The following CNTN5 variants were observed in gnomAD, a reference collection of about 807,000 sequenced individuals.
The protein encoded by CNTN5 is contactin 5.
CNTN5 carries 77 observed loss-of-function variants against 129.1 expected under a neutral mutation model. That is an observed-to-expected ratio of 0.60 (90% CI 0.50 to 0.72). CNTN5 has a LOEUF of 0.72. CNTN5 is among the 30% of genes least tolerant of loss of function. The probability of loss-of-function intolerance (pLI) is 0.00; values close to 1 mark genes in which losing one functional copy is unlikely to be tolerated. For missense variants in CNTN5, 1,478 were observed against 1,328.8 expected (o/e 1.11, Z -1.75); for synonymous variants, 509 against 465.6 (o/e 1.09, Z -1.20).
At chr11:99,733,326 A>C (rs1943596572) in intron 3 of CNTN5, among the ~76,000 whole-genome samples, 1 of 151,216 alleles carries the variant, frequency 6.6e-6, no homozygotes, top group Non-Finnish European at 1.5e-5. Flanking sequence ...TGTCTCAAAA[A>C]AAAAAAAAAA....
chr11:99,797,672 A>C (rs886675822), intron 3 of CNTN5, among the ~76,000 whole-genome samples: 2 of 151,994 alleles, frequency 1.3e-5, no homozygotes, highest in Admixed American at 1.3e-4. Flanking sequence ...AAAATTTTAG[A>C]TATTAGATCT....
intron 1 of CNTN5, among the ~76,000 whole-genome samples, chr11:99,033,383 A>T (rs1863508733): frequency 6.6e-6 from 1 of 151,980 alleles, no homozygotes; most frequent in Admixed American, 6.6e-5. Flanking sequence ...CACGATATTG[A>T]TTCTTCCTAC....
At chr11:99,721,630 A>T (rs536579962) in intron 3 of CNTN5, among the ~76,000 whole-genome samples, 1 of 152,332 alleles carries the variant, frequency 6.6e-6, no homozygotes, top group African/African-American at 2.4e-5. Flanking sequence ...AAAATTGACA[A>T]GCGGGATCTA....
chr11:99,481,899 T>A, intron 2 of CNTN5, among the ~76,000 whole-genome samples: 1 of 152,228 alleles, frequency 6.6e-6, no homozygotes, highest in East Asian at 1.9e-4. Flanking sequence ...GAGGTGATTG[T>A]TTAGGGAAGA....
intron 9 of CNTN5, among the ~76,000 whole-genome samples, chr11:100,026,639 G>A (rs1218133715): frequency 6.6e-6 from 1 of 152,064 alleles, no homozygotes; most frequent in African/African-American, 2.4e-5. Context: ...TCTGTCATTT[G>A]GGGCATGTTT....
intron 7 of CNTN5, among the ~76,000 whole-genome samples, chr11:99,919,523 C>T (rs1046602385): frequency 6.6e-6 from 1 of 152,130 alleles, no homozygotes; most frequent in Admixed American, 6.6e-5. Context: ...CAATTCTATT[C>T]CTCTCAGTCA....
chr11:99,537,783 A>T (rs1446930923), intron 2 of CNTN5, among the ~76,000 whole-genome samples: 1 of 152,098 alleles, frequency 6.6e-6, no homozygotes, highest in African/African-American at 2.4e-5. Context: ...GGAACACAGT[A>T]CCCCGTGGAC....
At chr11:99,040,826 C>A (rs966276921) in intron 1 of CNTN5, among the ~76,000 whole-genome samples, 6 of 151,974 alleles carry the variant, frequency 3.9e-5, no homozygotes, top group African/African-American at 1.4e-4. Flanking sequence ...TTTCAGCTAC[C>A]TTTTACGGTG....
intron 1 of CNTN5, among the ~76,000 whole-genome samples, chr11:99,289,850 G>A (rs1381634108): frequency 2.0e-5 from 3 of 151,782 alleles, no homozygotes; most frequent in Non-Finnish European, 1.5e-5. Context: ...CACTTAGCAA[G>A]ACTATGAATG....
chr11:99,496,225 T>C (rs1043643659), intron 2 of CNTN5, among the ~76,000 whole-genome samples: 1 of 152,148 alleles, frequency 6.6e-6, no homozygotes, highest in Non-Finnish European at 1.5e-5. Context: ...CTCTGTGAAG[T>C]TTAACGTTTA....
At chr11:100,354,965 T>C (rs1440107479) in intron 24 of CNTN5, among the ~76,000 whole-genome samples, 1 of 151,656 alleles carries the variant, frequency 6.6e-6, no homozygotes, top group Non-Finnish European at 1.5e-5. Flanking sequence ...GCCAAGTGAA[T>C]GTGAAGGCCT....
At chr11:99,753,119 CTTTT>C (rs375324214) in intron 3 of CNTN5, among the ~76,000 whole-genome samples, 3 of 93,104 alleles carry the variant, frequency 3.2e-5, no homozygotes, top group African/African-American at 1.3e-4. Context: ...GCCATATTTG[CTTTT>C]TTTTTTTTTT....
chr11:99,443,544 TC>T (rs1296885228), intron 2 of CNTN5, among the ~76,000 whole-genome samples: 2 of 152,328 alleles, frequency 1.3e-5, no homozygotes, highest in East Asian at 3.9e-4. Context: ...TGATGTCACT[TC>T]TCATTTGTAA....
intron 1 of CNTN5, among the ~76,000 whole-genome samples, chr11:99,050,401 G>A (rs1251943856): frequency 6.6e-6 from 1 of 151,768 alleles, no homozygotes; most frequent in Non-Finnish European, 1.5e-5. Flanking sequence ...TTAAAATTTG[G>A]TAGAGAATGT....
Position 100,000,854 on chromosome 11 carries a change from G to C in CNTN5, c.878-1180G>C, listed in dbSNP as rs571038089. Among the ~76,000 whole-genome samples, 7 of 152,144 alleles carry C rather than the reference G, an allele frequency of 4.6e-5. No individual in the cohort carries two copies. The South Asian group carries it at 6.2e-4, about 14-fold the overall frequency. On this transcript the variant is annotated intron_variant, in intron 8 of 24. Transcript: ENST00000524871. Reference sequence around the variant, plus strand: ...CACATGGAATTTGCCAAGGCTTGGGGCTTGCACCTCTGAAGCAATGGCCTG... The same window carrying C: ...CACATGGAATTTGCCAAGGCTTGGGCCTTGCACCTCTGAAGCAATGGCCTG...
At chr11:100,328,566 G>C (rs1168193131) in intron 21 of CNTN5, among the ~76,000 whole-genome samples, 1 of 152,144 alleles carries the variant, frequency 6.6e-6, no homozygotes, top group African/African-American at 2.4e-5. Context: ...GAAGAAGGAA[G>C]AGACAGGTGG....
At chr11:99,965,979 G>C (rs905796519) in intron 8 of CNTN5, among the ~76,000 whole-genome samples, 1 of 152,054 alleles carries the variant, frequency 6.6e-6, no homozygotes, top group Non-Finnish European at 1.5e-5. Context: ...ATTGCACCAC[G>C]GTCAGCTGAA....
At chr11:100,295,100 C>T (rs1490397057) in intron 18 of CNTN5, among the ~76,000 whole-genome samples, 4 of 151,516 alleles carry the variant, frequency 2.6e-5, no homozygotes, top group Non-Finnish European at 4.4e-5. Flanking sequence ...GTTACTTATA[C>T]ACATATGCTA....
intron 3 of CNTN5, among the ~76,000 whole-genome samples, chr11:99,637,328 A>G (rs958626435): frequency 6.6e-6 from 1 of 152,108 alleles, no homozygotes; most frequent in African/African-American, 2.4e-5. Context: ...ACAGATCAAC[A>G]TGGATGAATC....
Sources: allele counts gnomAD v4.1 joint callset (sites outside exome capture counted in the v4.1 genomes callset), GRCh38; gene constraint gnomAD v4.1.1; transcripts MANE v1.5; gene names NCBI Gene and HGNC (gene_info 2026-07-23, HGNC 2026-07-21).